Variants in CALN1 observed in about 807,000 individuals in gnomAD.
CALN1 encodes the protein calneuron 1.
Under a neutral mutation model 30.6 loss-of-function variants are expected in CALN1, and 17 were observed. The ratio of observed to expected loss-of-function variants is 0.56; its 90% CI spans 0.38 to 0.83. The LOEUF (loss-of-function observed/expected upper bound fraction) is 0.83, where lower values mean the gene tolerates loss of function less well. Ranked by LOEUF, CALN1 falls within the 40% of genes least tolerant of loss-of-function variation. The pLI is 0.00. For synonymous variants in CALN1, 156 were observed against 131.4 expected (o/e 1.19, Z -1.28); for missense variants, 291 against 354.9 (o/e 0.82, Z 1.45).
chr7:71,790,178 A>C (rs115930495), intron 6 of CALN1, among the ~76,000 whole-genome samples: 5,305 of 149,040 alleles, frequency 0.036, 320 homozygotes, highest in African/African-American at 0.12. Context: ...AAAAGAAAGA[A>C]TCAAAGAAAG....
chr7:71,835,973 G>A (rs1789575862), intron 5 of CALN1, among the ~76,000 whole-genome samples: 3 of 152,226 alleles, frequency 2.0e-5, no homozygotes, highest in African/African-American at 7.2e-5. Flanking sequence ...ACTCGGCTAG[G>A]TGACTTGCTT....
chr7:72,271,919 G>A lies in CALN1; in HGVS notation c.244+6767C>T, dbSNP rs562926869. Reference sequence around the variant, plus strand: ...TCTACTAAAAATACAAAATGTAGGCGGGCGTGATGGTGGGCACCTGTAATC... The same window carrying A: ...TCTACTAAAAATACAAAATGTAGGCAGGCGTGATGGTGGGCACCTGTAATC... On this transcript the variant is annotated intron_variant, in intron 3 of 6. Transcript: ENST00000395275. Among the ~76,000 whole-genome samples the A allele has an allele frequency of 5.9e-3, 890 of 151,794 alleles. 15 individuals carry two copies. The highest frequency in any genetic ancestry group is 0.02 in the African/African-American group (846 of 41,378).
intron 5 of CALN1, among the ~76,000 whole-genome samples, chr7:72,013,438 G>A (rs1379686348): frequency 6.6e-6 from 1 of 151,574 alleles, no homozygotes; most frequent in Non-Finnish European, 1.5e-5. Context: ...TTTTGGTAGA[G>A]ACAGAGTCTC....
At chr7:71,875,374 G>C (rs906125315) in intron 5 of CALN1, among the ~76,000 whole-genome samples, 2 of 152,254 alleles carry the variant, frequency 1.3e-5, no homozygotes, top group South Asian at 4.2e-4. Flanking sequence ...TGGATTTCTA[G>C]GCAGGAACTG....
At position 72,324,120 on chromosome 7, in the gene CALN1, CA is replaced by C. The variant is rs571115999; in HGVS notation, c.120-45311del. ...AATGGTGTCCGAGTGCCCTGGTTCG[CA>C]AAGTTGGCTGTACAGTGGAATCACC... is the stretch of plus-strand genomic sequence containing the variant. On this transcript the variant is annotated intron_variant, in intron 2 of 6. Coordinates refer to ENST00000395275, the MANE Select transcript of CALN1 (RefSeq NM_031468.4). Among the ~76,000 whole-genome samples, 9 of 152,136 alleles carry C rather than the reference CA, an allele frequency of 5.9e-5. No homozygotes were observed. The South Asian group carries it at 1.9e-3, about 32-fold the overall frequency.
rs114633149 is a variant in CALN1, at chr7:71,807,064, G to A, written c.658+3272C>T. Among the ~76,000 whole-genome samples, 699 of 152,340 alleles carry A rather than the reference G, an allele frequency of 4.6e-3. 3 individuals carry two copies. Among genetic ancestry groups the A allele is most frequent in the African/African-American group, 0.016 (663 of 41,568 alleles). ...GCAGCTTAGGCCAAGGGCAAAAGAG[G>A]ATAGGGAGGAGTTGACAGTTTGGGA... On this transcript the variant is annotated intron_variant, in intron 6 of 6. Transcript: ENST00000395275.
chr7:72,143,222 C>A (rs566725519), intron 3 of CALN1, among the ~76,000 whole-genome samples: 1 of 152,188 alleles, frequency 6.6e-6, no homozygotes, highest in South Asian at 2.1e-4. Flanking sequence ...AGTTAAAAAC[C>A]TTGAAAAAAG....
At chr7:71,872,245 C>T (rs1028486389) in intron 5 of CALN1, among the ~76,000 whole-genome samples, 2 of 152,160 alleles carry the variant, frequency 1.3e-5, no homozygotes, top group Admixed American at 6.5e-5. Context: ...TCCATAAGGG[C>T]AGATGTTTTT....
intron 3 of CALN1, among the ~76,000 whole-genome samples, chr7:72,148,113 A>AAC (rs1554455242): frequency 6.7e-6 from 1 of 149,408 alleles, no homozygotes; most frequent in African/African-American, 2.5e-5. Flanking sequence ...AAAAAAAAAA[A>AAC]CAACCAACCA....
intron 5 of CALN1, among the ~76,000 whole-genome samples, chr7:71,901,547 G>A (rs1793850203): frequency 6.6e-6 from 1 of 151,676 alleles, no homozygotes; most frequent in Non-Finnish European, 1.5e-5. Flanking sequence ...AACCAAAACA[G>A]AATGGTACTA....
At chr7:72,152,938 C>T (rs1199610405) in intron 3 of CALN1, among the ~76,000 whole-genome samples, 1 of 152,192 alleles carries the variant, frequency 6.6e-6, no homozygotes, top group African/African-American at 2.4e-5. Flanking sequence ...GTTGGACAAA[C>T]ACACTCAAAT....
intron 1 of CALN1, among the ~76,000 whole-genome samples, chr7:72,421,918 T>C (rs955098441): frequency 2.6e-5 from 4 of 152,182 alleles, no homozygotes; most frequent in African/African-American, 9.7e-5. Flanking sequence ...CTTAGGATAA[T>C]GGCCTCCAGT....
intron 4 of CALN1, among the ~76,000 whole-genome samples, chr7:72,073,591 A>C (rs1021383663): frequency 6.6e-6 from 1 of 151,636 alleles, no homozygotes; most frequent in Admixed American, 6.6e-5. Context: ...ATCTGTGTGG[A>C]ATTAGGGCTG....
At chr7:72,254,269 G>A (rs988161124) in intron 3 of CALN1, among the ~76,000 whole-genome samples, 3 of 152,174 alleles carry the variant, frequency 2.0e-5, no homozygotes, top group African/African-American at 7.2e-5. Context: ...CAATTTTATA[G>A]CTGCCTTCTC....
chr7:72,340,451 T>C (rs1031638612), intron 2 of CALN1, among the ~76,000 whole-genome samples: 5 of 152,178 alleles, frequency 3.3e-5, no homozygotes, highest in East Asian at 1.9e-4. Context: ...GCTTTGCCTG[T>C]AGCCTCTGCC....
At chr7:72,502,422 TATATAA>T in the CALN1 span, among the ~76,000 whole-genome samples, 6 of 149,302 alleles carry the variant, frequency 4.0e-5, no homozygotes, top group Admixed American at 4.0e-4. Context: ...ATATATATTA[TATATAA>T]ATATAATTCA....
chr7:72,226,169 C>T (rs188127275), intron 3 of CALN1, among the ~76,000 whole-genome samples: 68 of 151,516 alleles, frequency 4.5e-4, no homozygotes, highest in Admixed American at 9.2e-4. Context: ...CGCTTGAATC[C>T]GGGAGATGGA....
intron 2 of CALN1, among the ~76,000 whole-genome samples, chr7:72,285,313 C>T (rs1978102): frequency 0.47 from 71,939 of 152,058 alleles, 17,790 homozygotes; most frequent in South Asian, 0.68. Flanking sequence ...GGCACGATCT[C>T]AGCCACTGCA....
chr7:72,224,821 G>C (rs1793553475), intron 3 of CALN1, among the ~76,000 whole-genome samples: 1 of 151,612 alleles, frequency 6.6e-6, no homozygotes, highest in South Asian at 2.1e-4. Context: ...GGGCACGGTG[G>C]CTCACGCCTG....
Sources: gnomAD v4.1 joint callset for allele counts (sites outside exome capture counted in the v4.1 genomes callset) on GRCh38, gnomAD v4.1.1 for gene constraint, MANE v1.5 for transcripts, NCBI Gene and HGNC (gene_info 2026-07-23, HGNC 2026-07-21) for gene names.